Variants in RTKN observed in about 807,000 individuals in gnomAD.
RTKN encodes rhotekin.
RTKN carries 49 observed loss-of-function variants against 63.5 expected under a neutral mutation model. The ratio of observed to expected loss-of-function variants is 0.77; its 90% CI spans 0.61 to 0.98. The LOEUF is 0.98. RTKN is among the 50% of genes least tolerant of loss of function. RTKN has a pLI of 0.00. For synonymous variants in RTKN, 295 were observed against 290.4 expected (o/e 1.02, Z -0.16); for missense variants, 685 against 740.8 (o/e 0.92, Z 0.87).
At chr2:74,428,824 TC>T (rs752322574) in intron 7 of RTKN, 23 bp downstream of exon 7, 2 of 1,599,900 alleles carry the variant, frequency 1.3e-6, no homozygotes, top group African/African-American at 2.7e-5. Flanking sequence ...CATGTGTATG[TC>T]CCCCATGCAC....
At chr2:74,435,694 T>TCTGTCGAG (rs993003480) in intron 1 of RTKN, among the ~76,000 whole-genome samples, 25 of 152,302 alleles carry the variant, frequency 1.6e-4, no homozygotes, top group African/African-American at 5.5e-4. Context: ...AGTCGAGCCA[T>TCTGTCGAG]CCATTTGAAA....
chr2:74,439,920 A>AG (rs1252950481), intron 1 of RTKN: 4 of 1,233,192 alleles, frequency 3.2e-6, no homozygotes, highest in Non-Finnish European at 4.1e-6. Context: ...GGCCAGCTGC[A>AG]GAGGGGGCTC....
intron 2 of RTKN, 159 bp from the exon 3 acceptor site, chr2:74,430,836 C>T: frequency 1.5e-6 from 1 of 677,724 alleles, no homozygotes; most frequent in Non-Finnish European, 2.5e-6. Context: ...GAAAGTTGTT[C>T]ATTGAACCCA....
intron 2 of RTKN, 117 bp from the exon 3 acceptor site, chr2:74,430,794 A>C: frequency 1.0e-6 from 1 of 984,576 alleles, no homozygotes; most frequent in Non-Finnish European, 1.5e-6. Flanking sequence ...GTTCCCAGCC[A>C]GGCCGACAGG....
chr2:74,440,540 C>T, intron 1 of RTKN: 1 of 986,044 alleles, frequency 1.0e-6, no homozygotes, highest in Non-Finnish European at 1.2e-6. Flanking sequence ...CACTCGGCGG[C>T]CGCCAGGCCC....
intron 1 of RTKN, chr2:74,439,775 C>T: frequency 5.4e-6 from 8 of 1,471,448 alleles, no homozygotes; most frequent in Non-Finnish European, 7.3e-6. Flanking sequence ...GCCCTTATCC[C>T]TCTGCACTCC....
chr2:74,435,176 G>C (rs1021658914), intron 1 of RTKN, among the ~76,000 whole-genome samples: 5 of 152,186 alleles, frequency 3.3e-5, no homozygotes, highest in African/African-American at 1.2e-4. Flanking sequence ...ATAAGGGCCA[G>C]CTGAGAGGCC....
chr2:74,430,894 C>G, intron 2 of RTKN: 1 of 580,314 alleles, frequency 1.7e-6, no homozygotes, highest in East Asian at 2.8e-5. Context: ...GCCACATTAA[C>G]TCACACATAA....
At chr2:74,430,544 A>T in intron 3 of RTKN, 26 bp from the exon 4 acceptor site, 1 of 1,613,950 alleles carries the variant, frequency 6.2e-7, no homozygotes. Flanking sequence ...GTAAGAATAG[A>T]TGTTGAGATG....
rs746395044 is a variant in RTKN at position 74,430,042 on chromosome 2, TGGGA to T, written c.546-9_546-6del. On this transcript the variant is annotated splice_polypyrimidine_tract_variant and splice_region_variant and intron_variant, in intron 5 of 11. Coordinates refer to ENST00000272430, the MANE Select transcript of RTKN (RefSeq NM_001015055.2). The stretch of plus-strand genomic sequence containing the variant: ...AAGTCTGGCCCCGCCTCAGCGCTGG[TGGGA>T]GGAAGAAAGGAGGGTGGTCACAGGA... The T allele has an allele frequency of 1.1e-5, 17 of 1,613,366 alleles. 1 individual carries two copies. The highest frequency in any genetic ancestry group is 1.7e-4 in the Middle Eastern group (1 of 6,060).
intron 1 of RTKN, among the ~76,000 whole-genome samples, chr2:74,439,053 G>A (rs1255737907): frequency 1.3e-5 from 2 of 152,168 alleles, no homozygotes; most frequent in Non-Finnish European, 2.9e-5. Context: ...GGAGGTCGAG[G>A]TAGGGAGATC....
At chr2:74,428,814 C>G in intron 7 of RTKN, 34 bp downstream of exon 7, 4 of 1,601,448 alleles carry the variant, frequency 2.5e-6, no homozygotes, top group Non-Finnish European at 3.4e-6. Context: ...CTCACCATCA[C>G]ATGTGTATGT....
At chr2:74,439,987 A>G in intron 1 of RTKN, 1 of 1,075,108 alleles carries the variant, frequency 9.3e-7, no homozygotes, top group East Asian at 6.2e-5. Flanking sequence ...GCTGTGGAAG[A>G]AAAAGGCCCT....
At chr2:74,432,424 A>G (rs763272276) in intron 2 of RTKN, 43 bp downstream of exon 2, 3 of 1,576,296 alleles carry the variant, frequency 1.9e-6, no homozygotes, top group Non-Finnish European at 2.6e-6. Context: ...ACCACCCAGA[A>G]GGCCTCCTGC....
At chr2:74,426,853 G>C in intron 11 of RTKN, 1 of 1,338,470 alleles carries the variant, frequency 7.5e-7, no homozygotes. Context: ...AAATGAAAGC[G>C]GTGCCAGGCA....
At chr2:74,438,120 C>G (rs1671155991) in intron 1 of RTKN, among the ~76,000 whole-genome samples, 1 of 152,152 alleles carries the variant, frequency 6.6e-6, no homozygotes, top group South Asian at 2.1e-4. Flanking sequence ...TCTTTGCAGT[C>G]CTGCCTCTGA....
chr2:74,439,947 A>C (rs760913276), intron 1 of RTKN: 193 of 1,150,360 alleles, frequency 1.7e-4, no homozygotes, highest in Non-Finnish European at 2.0e-4. Flanking sequence ...CAGAGTGTCC[A>C]GTCTCGCTTT....
intron 2 of RTKN, 66 bp downstream of exon 2, chr2:74,432,401 A>T: frequency 6.9e-7 from 1 of 1,449,690 alleles, no homozygotes; most frequent in Non-Finnish European, 9.6e-7. Context: ...ACACACGCAC[A>T]TGCTGCACCA....
At chr2:74,440,648 C>A in intron 1 of RTKN, 1 of 824,880 alleles carries the variant, frequency 1.2e-6, no homozygotes, top group Non-Finnish European at 1.5e-6. Flanking sequence ...TCCCGGGCCT[C>A]GCCCCTTACT....
Sources: gnomAD v4.1 joint callset for allele counts (sites outside exome capture counted in the v4.1 genomes callset) on GRCh38, gnomAD v4.1.1 for gene constraint, MANE v1.5 for transcripts, NCBI Gene and HGNC (gene_info 2026-07-23, HGNC 2026-07-21) for gene names.